ZNF248: variants seen among roughly 807,000 people sequenced by gnomAD.
The protein encoded by ZNF248 is KRAB protein domain.
Under a neutral mutation model 44.3 loss-of-function variants are expected in ZNF248, and 20 were observed. The observed-to-expected ratio is 0.45, with a 90% CI of 0.32 to 0.66. The LOEUF (loss-of-function observed/expected upper bound fraction) is 0.66, where lower values mean the gene tolerates loss of function less well. ZNF248 is among the 30% of genes least tolerant of loss of function. The probability of loss-of-function intolerance (pLI) is 0.04; values close to 1 mark genes in which losing one functional copy is unlikely to be tolerated. For synonymous variants in ZNF248, 224 were observed against 229.0 expected (o/e 0.98, Z 0.20); for missense variants, 654 against 677.0 (o/e 0.97, Z 0.38).
At chr10:37,842,446 C>T (rs1395930014) in intron 3 of ZNF248, among the ~76,000 whole-genome samples, 1 of 152,190 alleles carries the variant, frequency 6.6e-6, no homozygotes, top group Non-Finnish European at 1.5e-5. Context: ...AGCTTTGTGG[C>T]ACTTCTACTT....
chr10:37,857,546 C>T lies in ZNF248; in HGVS notation c.-487G>A, dbSNP rs950696534. On this transcript the variant is annotated 5_prime_UTR_variant, in exon 1 of 6. Transcript: ENST00000395867. Reference sequence around the variant, plus strand: ...TTTACAGAGAGGAAAACCGAGTCTCCCGTGGATAATTGTGTCTAATTCATT... The same window carrying T: ...TTTACAGAGAGGAAAACCGAGTCTCTCGTGGATAATTGTGTCTAATTCATT... 1 of 152,264 alleles carries T rather than the reference C, an allele frequency of 6.6e-6. No individual in the cohort carries two copies. The highest frequency in any genetic ancestry group is 2.4e-5 in the African/African-American group (1 of 41,468). 9.4% of individuals were successfully genotyped at this position (152,264 alleles called of 1,614,324 possible). A position where few individuals can be genotyped will look rare whatever the true frequency, so the allele number is the denominator to read the frequency against.
intron 6 of ZNF248, among the ~76,000 whole-genome samples, chr10:37,780,870 T>G (rs992754846): frequency 6.6e-6 from 1 of 151,862 alleles, no homozygotes; most frequent in Non-Finnish European, 1.5e-5. Context: ...CCCGGAGTGG[T>G]GTATAGAGCT....
chr10:37,827,514 C>T (rs1322060915), downstream of ZNF248, among the ~76,000 whole-genome samples: 1 of 152,110 alleles, frequency 6.6e-6, no homozygotes, highest in East Asian at 1.9e-4. Context: ...GACATTGGTT[C>T]TTTGTCATCT....
intron 5 of ZNF248, among the ~76,000 whole-genome samples, chr10:37,835,033 AG>A (rs2056827712): frequency 1.3e-5 from 2 of 152,102 alleles, no homozygotes; most frequent in African/African-American, 4.8e-5. Context: ...AACTAAAAAA[AG>A]AAAAGAAAAG....
At chr10:37,839,625 G>C (rs1169742305) in intron 3 of ZNF248, among the ~76,000 whole-genome samples, 2 of 151,660 alleles carry the variant, frequency 1.3e-5, no homozygotes, top group Non-Finnish European at 2.9e-5. Context: ...TATTAAAGAA[G>C]ACATAATCTG....
In ZNF248 at chr10:37,837,607, A is replaced by T; in HGVS notation, c.238+10T>A. 6.2e-7 allele frequency: 1 copy of T among 1,610,472 alleles called. No individual in the cohort carries two copies. The highest frequency in any genetic ancestry group is 8.5e-7 in the Non-Finnish European group (1 of 1,177,962). ...CTCTGGCTTTCATCTGCCAGAAATCACTAACTCACCTGGGTGGCACTGGCT... is the reference window on the plus strand; with the variant it reads ...CTCTGGCTTTCATCTGCCAGAAATCTCTAACTCACCTGGGTGGCACTGGCT... On this transcript the variant is annotated intron_variant, in intron 5 of 5. Coordinates refer to ENST00000395867, the MANE Select transcript of ZNF248 (RefSeq NM_021045.3).
At position 37,831,874 on chromosome 10, in the gene ZNF248, C is replaced by T; in HGVS notation, c.1481G>A (p.Cys494Tyr). ...RTHTGEKPFI[C>Y]NECGKSFCVK... Reference sequence around the variant, plus strand: ...ACAGAAGGATTTTCCACATTCATTACATATAAACGGTTTCTCCCCTGTGTG... The same window carrying T: ...ACAGAAGGATTTTCCACATTCATTATATATAAACGGTTTCTCCCCTGTGTG... Residue 494 changes from cysteine (C) to tyrosine (Y), a missense_variant, in exon 6 of 6, where the codon TGT (cysteine) becomes TAT (tyrosine). Transcript: ENST00000395867. The T allele has an allele frequency of 1.2e-6, 2 of 1,614,032 alleles. No homozygotes were observed. Among genetic ancestry groups the T allele is most frequent in the Non-Finnish European group, 8.5e-7 (1 of 1,179,960 alleles).
At chr10:37,812,932 G>T (rs911783240) in intron 6 of ZNF248, among the ~76,000 whole-genome samples, 13 of 150,248 alleles carry the variant, frequency 8.7e-5, no homozygotes, top group African/African-American at 3.2e-4. Flanking sequence ...TCCTTCTGGA[G>T]AAAACTATAT....
intron 6 of ZNF248, among the ~76,000 whole-genome samples, chr10:37,823,203 A>G (rs2053755813): frequency 1.3e-5 from 2 of 151,744 alleles, no homozygotes; most frequent in Admixed American, 1.3e-4. Flanking sequence ...TCATGGTGGC[A>G]CGTGCCTGTA....
In ZNF248 at chr10:37,831,466, T is replaced by C. The variant is rs1248517204; in HGVS notation, c.*149A>G. ...AGAATTCCCCTCAGTACAAATTTTC[T>C]AATGAAAAGTTTTAATTTTTCTTGA... is the stretch of plus-strand genomic sequence containing the variant. On this transcript the variant is annotated 3_prime_UTR_variant, in exon 6 of 6. Transcript: ENST00000395867. 2 of 1,458,804 alleles carry C rather than the reference T, an allele frequency of 1.4e-6. No individual in the cohort carries two copies. The highest frequency in any genetic ancestry group is 5.6e-5 in the Admixed American group (2 of 35,482). The allele number at this position is 1,458,804 out of a possible 1,614,324, so 90.4% of individuals were successfully genotyped here.
intron 5 of ZNF248, among the ~76,000 whole-genome samples, chr10:37,836,562 T>C (rs1009786086): frequency 1.3e-5 from 2 of 152,120 alleles, no homozygotes; most frequent in African/African-American, 2.4e-5. Flanking sequence ...GCTCACACTT[T>C]CATATTAAAG....
intron 6 of ZNF248, among the ~76,000 whole-genome samples, chr10:37,797,766 C>T (rs1056101779): frequency 6.6e-6 from 1 of 152,092 alleles, no homozygotes; most frequent in African/African-American, 2.4e-5. Flanking sequence ...TCTCCTTTCA[C>T]ACCCACTAGA....
At chr10:37,807,779 T>A (rs1386121662) in intron 6 of ZNF248, among the ~76,000 whole-genome samples, 1 of 152,212 alleles carries the variant, frequency 6.6e-6, no homozygotes, top group Non-Finnish European at 1.5e-5. Flanking sequence ...CCATTTATTC[T>A]AACCATTTTT....
At chr10:37,820,157 T>C in intron 6 of ZNF248, 3 of 1,156,566 alleles carry the variant, frequency 2.6e-6, no homozygotes, top group South Asian at 1.2e-5. Flanking sequence ...CTTCCCTCCT[T>C]CTTAAGTCAG....
chr10:37,812,088 T>C (rs989722547), intron 6 of ZNF248, among the ~76,000 whole-genome samples: 2 of 151,876 alleles, frequency 1.3e-5, no homozygotes, highest in South Asian at 4.2e-4. Flanking sequence ...AATACAAAAA[T>C]TAGCCGGTCA....
upstream of ZNF248, chr10:37,857,718 T>G (rs2061551794): frequency 6.6e-6 from 1 of 152,066 alleles, no homozygotes. Flanking sequence ...TGCTGTCCCC[T>G]CCCCGCAGCC....
chr10:37,835,245 T>C (rs1226681647), intron 5 of ZNF248, among the ~76,000 whole-genome samples: 3 of 152,162 alleles, frequency 2.0e-5, no homozygotes, highest in African/African-American at 7.2e-5. Context: ...AAAGTGAGAA[T>C]ATAAAGGTAT....
chr10:37,845,573 T>C (rs1445827620), intron 3 of ZNF248, among the ~76,000 whole-genome samples: 2 of 152,018 alleles, frequency 1.3e-5, no homozygotes, highest in African/African-American at 4.8e-5. Context: ...TAGAATTCTA[T>C]ATACAGCAAA....
chr10:37,817,172 C>A (rs1003785894), intron 6 of ZNF248, among the ~76,000 whole-genome samples: 1 of 152,110 alleles, frequency 6.6e-6, no homozygotes, highest in Non-Finnish European at 1.5e-5. Flanking sequence ...GTTTTCTTGG[C>A]TGCACCCACT....
Sources: allele counts gnomAD v4.1 joint callset (sites outside exome capture counted in the v4.1 genomes callset), GRCh38; gene constraint gnomAD v4.1.1; transcripts MANE v1.5; gene names NCBI Gene and HGNC (gene_info 2026-07-23, HGNC 2026-07-21).